Variants in KIFAP3 observed in about 807,000 individuals in gnomAD.
The protein encoded by KIFAP3 is kinesin-associated protein 3.
In KIFAP3, 68 loss-of-function variants were observed where a neutral mutation model predicts 106.5. The observed-to-expected ratio is 0.64, with a 90% CI of 0.53 to 0.78. The LOEUF (loss-of-function observed/expected upper bound fraction) is 0.78. KIFAP3 is among the 30% of genes least tolerant of loss of function. KIFAP3 has a pLI of 0.00. For synonymous variants in KIFAP3, 320 were observed against 311.5 expected (o/e 1.03, Z -0.29); for missense variants, 780 against 941.8 (o/e 0.83, Z 2.25).
At chr1:170,026,885 T>C (rs1427908439) in intron 8 of KIFAP3, among the ~76,000 whole-genome samples, 2 of 152,158 alleles carry the variant, frequency 1.3e-5, no homozygotes, top group East Asian at 3.8e-4. Flanking sequence ...ACTAACAAAT[T>C]ATAAGATTAA....
Position 170,074,418 on chromosome 1 carries a change from G to C in KIFAP3, c.32+18C>G, listed in dbSNP as rs780879570. ...GCCCTGGCAAGGAGGGTAGGACAGA[G>C]CCTTGGGGAGTCGTCACCTTTTGAG... On this transcript the variant is annotated intron_variant, in intron 1 of 19. Transcript: ENST00000361580. The C allele has an allele frequency of 1.1e-5, 17 of 1,613,696 alleles. 1 individual carries two copies. The East Asian group carries it at 3.8e-4, about 36-fold the overall frequency.
Position 170,024,513 on chromosome 1 carries a change from C to T in KIFAP3, c.925G>A (p.Val309Met). 1.9e-6 allele frequency: 3 copies of T among 1,607,706 alleles called. No homozygotes were observed. Among genetic ancestry groups the T allele is most frequent in the Non-Finnish European group, 2.6e-6 (3 of 1,176,408 alleles). The part of the protein sequence containing the change: ...MRNKNIVHML[V>M]KALDRDNFEL... ...AAATTGTCCCGATCAAGGGCTTTCA[C>T]CAACATGTGAACTATGTTCTTGTTC... The change falls in exon 9 of 20, where the codon GTG becomes ATG. Residue 309 changes from valine to methionine, a missense_variant. Val to Met is a conservative substitution (Grantham distance 21). Coordinates refer to ENST00000361580, the MANE Select transcript of KIFAP3 (RefSeq NM_014970.4).
At chr1:170,058,772 G>T (rs1670983038) in intron 1 of KIFAP3, among the ~76,000 whole-genome samples, 1 of 151,904 alleles carries the variant, frequency 6.6e-6, no homozygotes, top group Admixed American at 6.6e-5. Flanking sequence ...GAACTGTCTA[G>T]GGCAAAGAAG....
At chr1:169,967,877 C>A (rs1300575143) in intron 17 of KIFAP3, among the ~76,000 whole-genome samples, 2 of 151,718 alleles carry the variant, frequency 1.3e-5, no homozygotes, top group Admixed American at 1.3e-4. Flanking sequence ...CTAGTCCCTT[C>A]TTATTATTCA....
intron 10 of KIFAP3, 90 bp from the exon 11 acceptor site, chr1:169,992,345 A>G (rs1364636955): frequency 1.9e-6 from 1 of 529,130 alleles, no homozygotes. Context: ...TAAACTACTG[A>G]ATAAAATCTT....
chr1:170,074,654 C>A lies in KIFAP3; in HGVS notation c.-187G>T. Reference sequence around the variant, plus strand: ...TCCAGCTCCTCCCACAGCTTCTGTGCCCCAAAACACTGGAGCGGCCCAGAC... The same window carrying A: ...TCCAGCTCCTCCCACAGCTTCTGTGACCCAAAACACTGGAGCGGCCCAGAC... On this transcript the variant is annotated 5_prime_UTR_variant, in exon 1 of 20. Transcript: ENST00000361580. 6.9e-7 allele frequency: 1 copy of A among 1,457,000 alleles called. No individual in the cohort carries two copies. The highest frequency in any genetic ancestry group is 1.4e-5 in the South Asian group (1 of 72,314). The allele number at this position is 1,457,000 out of a possible 1,614,324, so 90.3% of individuals were successfully genotyped here.
At chr1:170,062,589 T>C (rs1671238197) in intron 1 of KIFAP3, among the ~76,000 whole-genome samples, 1 of 152,198 alleles carries the variant, frequency 6.6e-6, no homozygotes, top group Admixed American at 6.5e-5. Context: ...GTCTTTGATT[T>C]ATCTGTATAT....
At chr1:169,931,689 G>T (rs1158856435) in intron 19 of KIFAP3, among the ~76,000 whole-genome samples, 1 of 152,130 alleles carries the variant, frequency 6.6e-6, no homozygotes, top group Non-Finnish European at 1.5e-5. Context: ...TTGTTTGTCT[G>T]TTACTGGTTC....
Position 169,928,699 on chromosome 1 carries a change from C to CAAAAAAAAAAAAAAAAAAAAAAAAAAAA in KIFAP3, c.2274-6919_2274-6918insTTTTTTTTTTTTTTTTTTTTTTTTTTTT. Among the ~76,000 whole-genome samples, 20 of 37,780 alleles carry CAAAAAAAAAAAAAAAAAAAAAAAAAAAA rather than the reference C, an allele frequency of 5.3e-4. 1 individual carries two copies. The highest frequency in any genetic ancestry group is 6.2e-4 in the Non-Finnish European group (15 of 24,298). The allele number at this position is 37,780 out of a possible 152,430, so 24.8% of individuals were successfully genotyped here. On this transcript the variant is annotated intron_variant, in intron 19 of 19. Transcript: ENST00000361580. ...AACAGAGTGAGTGAGACCCTGTCTC[C>CAAAAAAAAAAAAAAAAAAAAAAAAAAAA]AAAAAAAAAAAAAAAAAAAAAATTA...
chr1:169,950,554 G>C (rs1222235658), intron 19 of KIFAP3, among the ~76,000 whole-genome samples: 2 of 152,020 alleles, frequency 1.3e-5, no homozygotes, highest in African/African-American at 4.8e-5. Flanking sequence ...AAGATATTTA[G>C]AGAATCAGCT....
intron 19 of KIFAP3, among the ~76,000 whole-genome samples, chr1:169,943,609 A>C (rs1023485450): frequency 6.6e-6 from 1 of 152,162 alleles, no homozygotes; most frequent in Non-Finnish European, 1.5e-5. Flanking sequence ...TATGACGGTA[A>C]TTTGCATTAT....
At chr1:169,992,285 T>G (rs965309579) in intron 10 of KIFAP3, 30 bp from the exon 11 acceptor site, 1 of 1,205,246 alleles carries the variant, frequency 8.3e-7, no homozygotes, top group African/African-American at 1.6e-5. Context: ...GTGATGATGC[T>G]ATAAATATAT....
chr1:170,070,846 A>G (rs186502078), intron 1 of KIFAP3, among the ~76,000 whole-genome samples: 113 of 152,358 alleles, frequency 7.4e-4, no homozygotes, highest in South Asian at 2.1e-3. Context: ...TTTGCATATG[A>G]AAGTTTTACA....
intron 1 of KIFAP3, among the ~76,000 whole-genome samples, chr1:170,056,631 C>A (rs989836928): frequency 6.6e-6 from 1 of 152,126 alleles, no homozygotes; most frequent in East Asian, 1.9e-4. Flanking sequence ...AAACTCAAAG[C>A]TTTTCTTTCA....
intron 18 of KIFAP3, 140 bp downstream of exon 18, chr1:169,960,906 G>T: frequency 1.7e-6 from 1 of 579,754 alleles, no homozygotes; most frequent in Non-Finnish European, 2.9e-6. Flanking sequence ...ATTATATATA[G>T]ACGTTACATC....
intron 1 of KIFAP3, among the ~76,000 whole-genome samples, chr1:170,084,064 A>G (rs936377105): frequency 6.6e-6 from 1 of 152,188 alleles, no homozygotes. Context: ...CCTAACACCA[A>G]TGACAGAATC....
At chr1:170,029,637 A>G (rs1669293506) in intron 8 of KIFAP3, among the ~76,000 whole-genome samples, 1 of 151,970 alleles carries the variant, frequency 6.6e-6, no homozygotes, top group Non-Finnish European at 1.5e-5. Flanking sequence ...TATTAAACCC[A>G]AAGTAAGCTG....
At chr1:169,992,387 C>G (rs909655016) in intron 10 of KIFAP3, 132 bp from the exon 11 acceptor site, 1 of 422,288 alleles carries the variant, frequency 2.4e-6, no homozygotes, top group Admixed American at 4.5e-5. Context: ...ATATTTTGAG[C>G]TATCTATTTC....
Position 169,923,791 on chromosome 1 carries a change from C to T in KIFAP3, c.2274-2010G>A, listed in dbSNP as rs554606370. On this transcript the variant is annotated intron_variant, in intron 19 of 19. Transcript: ENST00000361580. The stretch of plus-strand genomic sequence containing the variant: ...AGAAGATGGTCCTCAGAAGGGAGTT[C>T]ACCAGTCATTGGCACAGAACAAGGA... 1.1e-4 allele frequency among the ~76,000 whole-genome samples: 17 copies of T among 152,320 alleles called. No homozygotes were observed. In the East Asian group the frequency reaches 2.7e-3, roughly 24 times the overall value.
Sources: gnomAD v4.1 joint callset for allele counts (sites outside exome capture counted in the v4.1 genomes callset) on GRCh38, gnomAD v4.1.1 for gene constraint, MANE v1.5 for transcripts, NCBI Gene and HGNC (gene_info 2026-07-23, HGNC 2026-07-21) for gene names.